The following PTPRD variants were observed in gnomAD, a reference collection of about 807,000 sequenced individuals.
PTPRD encodes protein tyrosine phosphatase receptor type D.
PTPRD carries 34 observed loss-of-function variants against 214.5 expected under a neutral mutation model. The ratio of observed to expected loss-of-function variants is 0.16; its 90% CI spans 0.12 to 0.21. The LOEUF (loss-of-function observed/expected upper bound fraction) is 0.21, where lower values mean the gene tolerates loss of function less well. PTPRD is among the 10% of genes least tolerant of loss of function. PTPRD has a pLI of 1.00. For missense variants in PTPRD, 2,545 were observed against 2,398.7 expected (o/e 1.06, Z -1.27); for synonymous variants, 1,128 against 845.7 (o/e 1.33, Z -5.79).
At chr9:8,854,162 T>TA (rs1410637239) in intron 11 of PTPRD, among the ~76,000 whole-genome samples, 4 of 152,070 alleles carry the variant, frequency 2.6e-5, no homozygotes, top group African/African-American at 9.7e-5. Flanking sequence ...TTTTGGGAAT[T>TA]AAAAAGGTAC....
intron 4 of PTPRD, among the ~76,000 whole-genome samples, chr9:9,960,290 C>G (rs1053769611): frequency 3.3e-5 from 5 of 149,996 alleles, no homozygotes; most frequent in Non-Finnish European, 5.9e-5. Flanking sequence ...ATGGCCAAAG[C>G]TATGACAGCT....
intron 11 of PTPRD, among the ~76,000 whole-genome samples, chr9:8,841,202 T>A (rs375352865): frequency 1.3e-5 from 2 of 152,190 alleles, no homozygotes; most frequent in South Asian, 2.1e-4. Flanking sequence ...TGATTACCAA[T>A]GGAGCTGGTA....
intron 4 of PTPRD, among the ~76,000 whole-genome samples, chr9:9,980,902 A>G (rs1306771649): frequency 6.8e-6 from 1 of 147,808 alleles, no homozygotes; most frequent in Non-Finnish European, 1.5e-5. Flanking sequence ...CATTCATTAG[A>G]AAGGCAAGCT....
intron 35 of PTPRD, among the ~76,000 whole-genome samples, chr9:8,419,214 T>C (rs2094175243): frequency 7.2e-6 from 1 of 139,628 alleles, no homozygotes. Context: ...AGACAAAGCA[T>C]GACCCACTCT....
At chr9:9,236,933 C>T (rs1003596811) in intron 9 of PTPRD, among the ~76,000 whole-genome samples, 1 of 152,094 alleles carries the variant, frequency 6.6e-6, no homozygotes, top group Non-Finnish European at 1.5e-5. Flanking sequence ...AAAGGCTGCA[C>T]CTTTTTGCTT....
At chr9:8,540,519 A>G (rs944042834) in intron 14 of PTPRD, among the ~76,000 whole-genome samples, 3 of 152,216 alleles carry the variant, frequency 2.0e-5, no homozygotes, top group Non-Finnish European at 4.4e-5. Context: ...TCAATATTCT[A>G]ATAACATAAT....
intron 3 of PTPRD, among the ~76,000 whole-genome samples, chr9:10,156,198 G>T (rs117253328): frequency 6.7e-6 from 1 of 149,220 alleles, no homozygotes; most frequent in East Asian, 2.1e-4. Flanking sequence ...GTTTACTCTT[G>T]GTTCTCTAGC....
chr9:8,597,978 A>C (rs2094563648), intron 14 of PTPRD, among the ~76,000 whole-genome samples: 1 of 152,322 alleles, frequency 6.6e-6, no homozygotes, highest in African/African-American at 2.4e-5. Context: ...ATAACTTTTT[A>C]TGCCATCTAT....
chr9:8,576,825 C>G (rs969728772), intron 14 of PTPRD, among the ~76,000 whole-genome samples: 1 of 152,086 alleles, frequency 6.6e-6, no homozygotes, highest in African/African-American at 2.4e-5. Flanking sequence ...AATGCCAACC[C>G]AGAAAGCATC....
At chr9:9,306,188 A>C (rs1957067348) in intron 9 of PTPRD, among the ~76,000 whole-genome samples, 1 of 152,098 alleles carries the variant, frequency 6.6e-6, no homozygotes, top group Non-Finnish European at 1.5e-5. Context: ...TTATTAAGCT[A>C]TCTGGCAGAA....
chr9:9,292,193 C>A (rs961226396), intron 9 of PTPRD, among the ~76,000 whole-genome samples: 4 of 145,308 alleles, frequency 2.8e-5, no homozygotes, highest in Admixed American at 6.9e-5. Context: ...TTTTTTTTTT[C>A]TTTCCCATAT....
chr9:9,689,429 G>A (rs1223126492), intron 7 of PTPRD, among the ~76,000 whole-genome samples: 1 of 151,700 alleles, frequency 6.6e-6, no homozygotes, highest in African/African-American at 2.4e-5. Context: ...AACTTTTGAT[G>A]CATTTATATA....
chr9:9,091,087 C>T (rs1332434666), intron 10 of PTPRD: 15 of 1,427,518 alleles, frequency 1.1e-5, no homozygotes, highest in Admixed American at 3.3e-5. Context: ...TGCCTATGTG[C>T]TTCCCAAGCT....
Position 9,281,557 on chromosome 9 carries a change from C to T in PTPRD, c.-202-98194G>A, listed in dbSNP as rs55986304. Among the ~76,000 whole-genome samples the T allele has an allele frequency of 4.8e-3, 733 of 151,368 alleles. 8 individuals carry two copies. The highest frequency in any genetic ancestry group is 0.017 in the African/African-American group (688 of 41,436). ...AAAACAACAATGAAATATTACTACA[C>T]ACCTATATTAGAGTGTCCACAATGC... On this transcript the variant is annotated intron_variant, in intron 9 of 45. Transcript: ENST00000381196.
At chr9:10,205,894 G>A (rs980223801) in intron 3 of PTPRD, among the ~76,000 whole-genome samples, 4 of 152,062 alleles carry the variant, frequency 2.6e-5, no homozygotes, top group African/African-American at 9.7e-5. Context: ...CAAAGATGTT[G>A]ATTGAATGGC....
chr9:9,154,608 G>A (rs1162504975), intron 10 of PTPRD, among the ~76,000 whole-genome samples: 2 of 152,048 alleles, frequency 1.3e-5, no homozygotes, highest in African/African-American at 4.8e-5. Context: ...GAATTTTAAT[G>A]GGACCAAAAC....
chr9:9,834,605 G>C (rs1171204418), intron 5 of PTPRD, among the ~76,000 whole-genome samples: 1 of 152,042 alleles, frequency 6.6e-6, no homozygotes, highest in East Asian at 1.9e-4. Flanking sequence ...TCTGAAATAA[G>C]TACTAGTTTG....
chr9:9,532,912 A>G (rs1400175581), intron 8 of PTPRD, among the ~76,000 whole-genome samples: 1 of 152,144 alleles, frequency 6.6e-6, no homozygotes, highest in African/African-American at 2.4e-5. Flanking sequence ...GCCATTGTGG[A>G]CTATTTAAAA....
chr9:9,231,010 T>G (rs537800011), intron 9 of PTPRD, among the ~76,000 whole-genome samples: 11 of 151,750 alleles, frequency 7.2e-5, no homozygotes, highest in African/African-American at 2.7e-4. Context: ...GAGCTGAAAC[T>G]TGAAAGTTCT....
Sources: allele counts gnomAD v4.1 joint callset (sites outside exome capture counted in the v4.1 genomes callset), GRCh38; gene constraint gnomAD v4.1.1; transcripts MANE v1.5; gene names NCBI Gene and HGNC (gene_info 2026-07-23, HGNC 2026-07-21).